The following IGSF11 variants were observed in gnomAD, a reference collection of about 807,000 sequenced individuals.
IGSF11 encodes CXADR like 1.
In IGSF11, 22 loss-of-function variants were observed where a neutral mutation model predicts 41.0. The observed-to-expected ratio is 0.54, with a 90% CI of 0.38 to 0.77. IGSF11 has a LOEUF of 0.77. Among genes scored for constraint, IGSF11 ranks in the 30% least tolerant of loss-of-function variants. The probability of loss-of-function intolerance (pLI) is 0.00; values close to 1 mark genes in which losing one functional copy is unlikely to be tolerated. For missense variants in IGSF11, 444 were observed against 530.8 expected (o/e 0.84, Z 1.61); for synonymous variants, 219 against 201.3 (o/e 1.09, Z -0.74).
At chr3:118,999,999 C>T (rs1435334694) in intron 1 of IGSF11, among the ~76,000 whole-genome samples, 3 of 151,380 alleles carry the variant, frequency 2.0e-5, no homozygotes, top group African/African-American at 4.9e-5. Context: ...GATACTCCCA[C>T]TATTCATCCC....
chr3:118,928,686 C>T lies in IGSF11; in HGVS notation c.247G>A (p.Asp83Asn). ...CTACCGTGGAACCGGGGGGCACCAT[C>T]AAACATCTGTCCACCCTGATACAGG... ...VILYQGGQMF[D>N]GAPRFHGRVG... The change falls in exon 3 of 7, where the codon GAT (aspartate) becomes AAT (asparagine). Residue 83 changes from aspartate (D) to asparagine (N), a missense_variant. Asp to Asn is a conservative substitution (Grantham distance 23). Around this residue, in one of 3 missense-constraint regions of IGSF11, gnomAD observed 193 missense variants for 283.5 expected, o/e 0.68. Transcript: ENST00000393775. 6.2e-7 allele frequency: 1 copy of T among 1,613,912 alleles called. No homozygotes were observed. The highest frequency in any genetic ancestry group is 8.5e-7 in the Non-Finnish European group (1 of 1,179,898).
intron 1 of IGSF11, among the ~76,000 whole-genome samples, chr3:119,126,148 C>A (rs1383697965): frequency 6.6e-6 from 1 of 152,232 alleles, no homozygotes; most frequent in African/African-American, 2.4e-5. Context: ...AAGAGTGACA[C>A]CCATTTCTAT....
intron 1 of IGSF11, among the ~76,000 whole-genome samples, chr3:119,101,849 A>G (rs143240228): frequency 5.6e-4 from 85 of 152,292 alleles, no homozygotes; most frequent in Non-Finnish European, 1.0e-3. Context: ...AAATTAGTCT[A>G]TTTCCATTTC....
chr3:119,047,652 A>T (rs1474143626), intron 1 of IGSF11, among the ~76,000 whole-genome samples: 1 of 152,208 alleles, frequency 6.6e-6, no homozygotes, highest in Non-Finnish European at 1.5e-5. Flanking sequence ...AGGACGTAAT[A>T]GACATCTACA....
intron 1 of IGSF11, chr3:118,947,487 T>G (rs191402178): frequency 6.6e-6 from 1 of 152,306 alleles, no homozygotes; most frequent in East Asian, 1.9e-4. Flanking sequence ...AAATGTTCTT[T>G]AAATTGATGG....
chr3:119,128,345 G>GAAAGAAAGAAAGA (rs1264960397), intron 1 of IGSF11, among the ~76,000 whole-genome samples: 1 of 146,766 alleles, frequency 6.8e-6, no homozygotes, highest in Non-Finnish European at 1.5e-5. Flanking sequence ...GTGAGAGTGA[G>GAAAGAAAGAAAGA]AAAGAAAGAA....
chr3:118,916,749 A>G (rs1941153451), intron 4 of IGSF11, among the ~76,000 whole-genome samples: 2 of 152,054 alleles, frequency 1.3e-5, no homozygotes, highest in South Asian at 4.2e-4. Context: ...GCTCTGCACC[A>G]AGTGGACCGA....
At chr3:119,109,980 C>T (rs1195704627), upstream of IGSF11, among the ~76,000 whole-genome samples, 2 of 152,036 alleles carry the variant, frequency 1.3e-5, no homozygotes, top group Non-Finnish European at 2.9e-5. Flanking sequence ...TCTGTTCTGT[C>T]ACATTTGTTG....
At chr3:119,002,021 G>C (rs1936946132) in intron 1 of IGSF11, among the ~76,000 whole-genome samples, 1 of 129,046 alleles carries the variant, frequency 7.7e-6, no homozygotes, top group South Asian at 2.8e-4. Context: ...GGTATTTCTA[G>C]TTCTAGATCC....
intron 1 of IGSF11, among the ~76,000 whole-genome samples, chr3:119,005,349 A>G (rs1326660572): frequency 6.7e-6 from 1 of 150,004 alleles, no homozygotes; most frequent in Non-Finnish European, 1.5e-5. Flanking sequence ...TTTTGAGCCT[A>G]TGTGTGTCTC....
Position 118,987,501 on chromosome 3 carries a change from T to C in IGSF11, c.52+47030A>G, listed in dbSNP as rs145662168. Among the ~76,000 whole-genome samples the C allele has an allele frequency of 3.3e-5, 5 of 152,260 alleles. No individual in the cohort carries two copies. The East Asian group carries it at 9.6e-4, about 29-fold the overall frequency. ...AGTCCTGCCTAGTAGTGTGGAGCCA[T>C]AAAAACAAGCCTGGCCTAGTCAGTG... On this transcript the variant is annotated intron_variant, in intron 1 of 6. Coordinates refer to ENST00000393775, the MANE Select transcript of IGSF11 (RefSeq NM_001015887.3).
At chr3:119,105,005 C>A in intron 1 of IGSF11, 1 of 556,054 alleles carries the variant, frequency 1.8e-6, no homozygotes, top group Non-Finnish European at 3.2e-6. Flanking sequence ...TTTCCCAGGA[C>A]TTAGAAATGG....
At position 119,034,669 on chromosome 3, in the gene IGSF11, G is replaced by C. The variant is rs1264177377; in HGVS notation, c.-87C>G. The C allele has an allele frequency of 3.4e-6, 5 of 1,453,374 alleles. No individual in the cohort carries two copies. The highest frequency in any genetic ancestry group is 4.7e-5 in the Admixed American group (2 of 42,436). The allele number at this position is 1,453,374 out of a possible 1,614,324, so 90.0% of individuals were successfully genotyped here. A position where few individuals can be genotyped will look rare whatever the true frequency, so the allele number is the denominator to read the frequency against. ...CGGGCGTGAGTCTCCGCGCTCTTGG[G>C]GCAGCCTGGTCCTCCCACACCCAGC... is the stretch of plus-strand genomic sequence containing the variant. On this transcript the variant is annotated 5_prime_UTR_variant, in exon 1 of 7. Transcript: ENST00000393775.
intron 1 of IGSF11, among the ~76,000 whole-genome samples, chr3:119,000,166 T>C (rs1559766745): frequency 6.8e-6 from 1 of 146,638 alleles, no homozygotes; most frequent in Non-Finnish European, 1.5e-5. Flanking sequence ...CTCTTCTCAA[T>C]CTCCTTTGCT....
intron 1 of IGSF11, among the ~76,000 whole-genome samples, chr3:119,058,904 C>T (rs1366830476): frequency 6.6e-6 from 1 of 151,018 alleles, no homozygotes; most frequent in Non-Finnish European, 1.5e-5. Context: ...TGTTCTCACT[C>T]ATAGGTGGGA....
intron 4 of IGSF11, among the ~76,000 whole-genome samples, chr3:118,925,306 T>A (rs1355270580): frequency 6.6e-6 from 1 of 152,160 alleles, no homozygotes; most frequent in African/African-American, 2.4e-5. Context: ...AAGGCATAAT[T>A]AAGGTTGTTT....
intron 4 of IGSF11, among the ~76,000 whole-genome samples, chr3:118,920,591 T>G (rs1237676391): frequency 6.6e-6 from 1 of 151,496 alleles, no homozygotes; most frequent in Non-Finnish European, 1.5e-5. Context: ...CATCTTTTAA[T>G]TTTAATAATT....
intron 1 of IGSF11, among the ~76,000 whole-genome samples, chr3:119,023,997 A>T (rs539368655): frequency 6.6e-6 from 1 of 152,354 alleles, no homozygotes; most frequent in Admixed American, 6.5e-5. Flanking sequence ...GATCAAGGAC[A>T]TTATGGAATT....
intron 1 of IGSF11, among the ~76,000 whole-genome samples, chr3:118,975,123 T>C (rs1371340610): frequency 6.6e-6 from 1 of 152,184 alleles, no homozygotes; most frequent in African/African-American, 2.4e-5. Context: ...CAGCAGCAGA[T>C]GGCTACAGAT....
Sources: allele counts gnomAD v4.1 joint callset (sites outside exome capture counted in the v4.1 genomes callset), GRCh38; gene constraint gnomAD v4.1.1; regional missense constraint gnomAD v4.1.1; transcripts MANE v1.5; gene names NCBI Gene and HGNC (gene_info 2026-07-23, HGNC 2026-07-21).